The following GHR variants were observed in gnomAD, a reference collection of about 807,000 sequenced individuals.
The protein encoded by GHR is growth hormone receptor.
Under a neutral mutation model 67.1 loss-of-function variants are expected in GHR, and 35 were observed. The ratio of observed to expected loss-of-function variants is 0.52; its 90% CI spans 0.40 to 0.69. The LOEUF is 0.69. Ranked by LOEUF, GHR falls within the 30% of genes least tolerant of loss-of-function variation. GHR has a pLI of 0.00. For missense variants in GHR, 792 were observed against 764.6 expected, an observed-to-expected ratio of 1.04 and a Z score of -0.42; for synonymous variants, 272 against 269.1, an observed-to-expected ratio of 1.01 and a Z score of -0.10.
intron 1 of GHR, among the ~76,000 whole-genome samples, chr5:42,533,100 A>C (rs1346090532): frequency 6.6e-6 from 1 of 152,100 alleles, no homozygotes; most frequent in Non-Finnish European, 1.5e-5. Flanking sequence ...ACACTTGATT[A>C]TTATCAGATT....
intron 2 of GHR, among the ~76,000 whole-genome samples, chr5:42,604,630 C>G (rs1000637879): frequency 3.3e-5 from 5 of 151,894 alleles, no homozygotes; most frequent in Admixed American, 1.3e-4. Context: ...CTAAAGCACC[C>G]CAGCATTATA....
At chr5:42,541,629 TTCAAAA>T in intron 1 of GHR, among the ~76,000 whole-genome samples, 1 of 152,030 alleles carries the variant, frequency 6.6e-6, no homozygotes, top group Non-Finnish European at 1.5e-5. Flanking sequence ...AATAAGGAGA[TTCAAAA>T]GCAAAAGCAG....
At chr5:42,550,401 C>T (rs1748965232) in intron 1 of GHR, among the ~76,000 whole-genome samples, 1 of 152,142 alleles carries the variant, frequency 6.6e-6, no homozygotes, top group East Asian at 1.9e-4. Flanking sequence ...CCCCTGGGCC[C>T]CATCACTACT....
intron 3 of GHR, among the ~76,000 whole-genome samples, chr5:42,641,634 C>G (rs1436583638): frequency 1.3e-5 from 2 of 152,192 alleles, no homozygotes; most frequent in Non-Finnish European, 2.9e-5. Context: ...CCCCCAATCT[C>G]TCTCTACATT....
Position 42,423,601 on chromosome 5 carries a change from G to A in GHR, c.-366G>A, listed in dbSNP as rs941013366. 1.3e-5 allele frequency among the ~76,000 whole-genome samples: 2 copies of A among 152,148 alleles called. No individual in the cohort carries two copies. Among genetic ancestry groups the A allele is most frequent in the Admixed American group, 1.3e-4 (2 of 15,276 alleles). ...TTCGCTTCTGCAACCTGGATCTGGG[G>A]GACTGCGGGCCAGGCGCGGCGTGAC... On this transcript the variant is annotated 5_prime_UTR_variant, in exon 1 of 10. Coordinates refer to ENST00000230882, the MANE Select transcript of GHR (RefSeq NM_000163.5).
At chr5:42,471,782 G>C (rs1745022657) in intron 1 of GHR, among the ~76,000 whole-genome samples, 1 of 152,182 alleles carries the variant, frequency 6.6e-6, no homozygotes, top group African/African-American at 2.4e-5. Context: ...GTCTTAGGCA[G>C]CTTAGGAGTT....
At chr5:42,476,036 C>A (rs1745296262) in intron 1 of GHR, among the ~76,000 whole-genome samples, 1 of 151,588 alleles carries the variant, frequency 6.6e-6, no homozygotes. Context: ...TCCCGAGTAG[C>A]TGGAACTACA....
chr5:42,599,015 A>G (rs1253945379), intron 2 of GHR, among the ~76,000 whole-genome samples: 1 of 152,228 alleles, frequency 6.6e-6, no homozygotes, highest in East Asian at 1.9e-4. Context: ...AAGTCATATT[A>G]TCTGGCACCA....
At chr5:42,463,438 G>C (rs1744571448) in intron 1 of GHR, among the ~76,000 whole-genome samples, 1 of 152,208 alleles carries the variant, frequency 6.6e-6, no homozygotes, top group South Asian at 2.1e-4. Flanking sequence ...GAATTGATTA[G>C]CAGCAGTATA....
intron 1 of GHR, among the ~76,000 whole-genome samples, chr5:42,547,324 G>T (rs1748782530): frequency 6.6e-6 from 1 of 152,144 alleles, no homozygotes; most frequent in Admixed American, 6.5e-5. Context: ...TAATAGTGTG[G>T]ACAGGACTGT....
At chr5:42,493,407 G>GT (rs995283406) in intron 1 of GHR, among the ~76,000 whole-genome samples, 93 of 151,728 alleles carry the variant, frequency 6.1e-4, no homozygotes, top group African/African-American at 2.0e-3. Context: ...CTCTGATTTT[G>GT]TTTTTTTTAC....
At chr5:42,698,798 G>GT (rs1293380815) in intron 5 of GHR, among the ~76,000 whole-genome samples, 1 of 152,156 alleles carries the variant, frequency 6.6e-6, no homozygotes, top group Non-Finnish European at 1.5e-5. Context: ...ATTTTACTCT[G>GT]TATCTGCAAG....
At chr5:42,664,548 A>G (rs999275743) in intron 3 of GHR, among the ~76,000 whole-genome samples, 1 of 152,238 alleles carries the variant, frequency 6.6e-6, no homozygotes, top group African/African-American at 2.4e-5. Context: ...CATATGTAGA[A>G]AGCTGAAACT....
intron 3 of GHR, among the ~76,000 whole-genome samples, chr5:42,632,031 C>T (rs1753952603): frequency 6.6e-6 from 1 of 152,020 alleles, no homozygotes; most frequent in African/African-American, 2.4e-5. Flanking sequence ...CCCCCTGCCC[C>T]ATCTCTCCTT....
chr5:42,595,750 G>A (rs1434954981), intron 2 of GHR, among the ~76,000 whole-genome samples: 1 of 152,220 alleles, frequency 6.6e-6, no homozygotes, highest in African/African-American at 2.4e-5. Flanking sequence ...GTGGAGATTA[G>A]GAAGGAAAGG....
At chr5:42,674,374 T>C (rs1204526301) in intron 3 of GHR, among the ~76,000 whole-genome samples, 1 of 152,220 alleles carries the variant, frequency 6.6e-6, no homozygotes, top group African/African-American at 2.4e-5. Flanking sequence ...CCAAATAGCA[T>C]AAAATCCACC....
At chr5:42,457,733 T>C (rs1194147333) in intron 1 of GHR, among the ~76,000 whole-genome samples, 1 of 152,232 alleles carries the variant, frequency 6.6e-6, no homozygotes. Flanking sequence ...GGCTATATTG[T>C]TACTGTCTTT....
chr5:42,476,368 C>A (rs555685931), intron 1 of GHR, among the ~76,000 whole-genome samples: 2 of 149,636 alleles, frequency 1.3e-5, no homozygotes, highest in African/African-American at 4.9e-5. Context: ...TACAGGCACG[C>A]GCCACCATGC....
intron 1 of GHR, among the ~76,000 whole-genome samples, chr5:42,448,573 CTATTAT>C (rs56084873): frequency 0.24 from 34,161 of 144,166 alleles, 4,966 homozygotes; most frequent in African/African-American, 0.4. Flanking sequence ...TATCTGTTTA[CTATTAT>C]TATTATTATT....
Sources: allele counts gnomAD v4.1 joint callset (sites outside exome capture counted in the v4.1 genomes callset), GRCh38; gene constraint gnomAD v4.1.1; transcripts MANE v1.5; gene names NCBI Gene and HGNC (gene_info 2026-07-23, HGNC 2026-07-21).